Variants in RMC1 observed in about 807,000 individuals in gnomAD.
RMC1 encodes the protein regulator of MON1-CCZ1 complex.
Under a neutral mutation model 95.5 loss-of-function variants are expected in RMC1, and 44 were observed. The ratio of observed to expected loss-of-function variants is 0.46; its 90% CI spans 0.36 to 0.59. RMC1 has a LOEUF of 0.59. Ranked by LOEUF, RMC1 falls within the 20% of genes least tolerant of loss-of-function variation. The pLI, the probability that RMC1 is intolerant of heterozygous loss-of-function variation, is 0.00. For missense variants in RMC1, 705 were observed against 819.6 expected, an observed-to-expected ratio of 0.86 and a Z score of 1.71; for synonymous variants, 320 against 303.6, an observed-to-expected ratio of 1.05 and a Z score of -0.56.
chr18:23,517,943 C>G (rs896560498), intron 7 of RMC1, among the ~76,000 whole-genome samples: 1 of 152,152 alleles, frequency 6.6e-6, no homozygotes, highest in Non-Finnish European at 1.5e-5. Flanking sequence ...GTCTTGAACT[C>G]CTGGGCTCGG....
In RMC1 at chr18:23,503,602, CGGGCGCGGCGCCCGCCAT is replaced by C. The variant is rs761636354; in HGVS notation, c.-11_7del. On this transcript the variant is annotated start_lost and 5_prime_UTR_variant, in exon 1 of 20. Transcript: ENST00000269221. ...GCGACCGCCCCCGGGGCCCCCGCCG[CGGGCGCGGCGCCCGCCAT>C]GGGCGAGGAGGACTACTATCTGGAG... The C allele has an allele frequency of 3.9e-6, 6 of 1,540,250 alleles. No individual in the cohort carries two copies. The highest frequency in any genetic ancestry group is 4.4e-6 in the Non-Finnish European group (5 of 1,143,666).
In RMC1 at chr18:23,514,552, C is replaced by T. The variant is rs537036662; in HGVS notation, c.409-1304C>T. Among the ~76,000 whole-genome samples the T allele has an allele frequency of 3.9e-4, 58 of 149,990 alleles. 3 individuals are homozygous for T. In the South Asian group the frequency reaches 8.2e-3, roughly 21 times the overall value. On this transcript the variant is annotated intron_variant, in intron 5 of 19. Coordinates refer to ENST00000269221, the MANE Select transcript of RMC1 (RefSeq NM_013326.5). ...AGCCTGGGCAACAAGAGTGAAACTC[C>T]GTCTCAAAAAAAAAAAAAATTTGTA...
intron 9 of RMC1, among the ~76,000 whole-genome samples, 177 bp from the exon 10 acceptor site, chr18:23,520,025 A>G (rs2058101555): frequency 6.6e-6 from 1 of 152,242 alleles, no homozygotes; most frequent in Non-Finnish European, 1.5e-5. Context: ...AGATAAAAAT[A>G]TTAAAAGAGA....
chr18:23,511,528 G>T (rs2057857231), intron 5 of RMC1, among the ~76,000 whole-genome samples: 2 of 152,134 alleles, frequency 1.3e-5, no homozygotes, highest in South Asian at 4.1e-4. Flanking sequence ...GAAAGCAAAT[G>T]TTCCCTATAA....
chr18:23,506,939 TTAAC>T (rs1169482019), intron 2 of RMC1, 27 bp from the exon 3 acceptor site: 1 of 1,471,106 alleles, frequency 6.8e-7, no homozygotes, highest in African/African-American at 1.4e-5. Context: ...ATTCGGTTAT[TTAAC>T]TACTAACACA....
In RMC1 at chr18:23,526,743, C is replaced by T. The variant is rs1160669926; in HGVS notation, c.1167C>T (p.Val389=). Residue 389 remains valine, a synonymous_variant, in exon 13 of 20, where the codon GTC becomes GTT. Coordinates refer to ENST00000269221, the MANE Select transcript of RMC1 (RefSeq NM_013326.5). ...TCCAGAGAAAGGAATGCAAGATGGTCATCCTGTCTGTCTGTTCACAGAGTA... is the reference window on the plus strand; with the variant it reads ...TCCAGAGAAAGGAATGCAAGATGGTTATCCTGTCTGTCTGTTCACAGAGTA... ...FLLQRKECKM[V]ILSVCSQMLS... The T allele has an allele frequency of 1.9e-6, 3 of 1,614,092 alleles. No homozygotes were observed. The Admixed American group carries it at 5.0e-5, about 27-fold the overall frequency.
At chr18:23,511,421 G>A (rs1004363106) in intron 5 of RMC1, among the ~76,000 whole-genome samples, 7 of 152,234 alleles carry the variant, frequency 4.6e-5, no homozygotes, top group East Asian at 1.9e-4. Context: ...CACAAACCCC[G>A]TGACATGAGT....
chr18:23,517,731 T>A (rs2058046303), intron 7 of RMC1, among the ~76,000 whole-genome samples: 2 of 152,012 alleles, frequency 1.3e-5, no homozygotes. Flanking sequence ...TATTTTTAAA[T>A]TTTTTTTGGA....
intron 10 of RMC1, among the ~76,000 whole-genome samples, chr18:23,523,631 G>A (rs1411573157): frequency 6.6e-6 from 1 of 151,552 alleles, no homozygotes; most frequent in South Asian, 2.1e-4. Flanking sequence ...GCTGAGGCAG[G>A]AGGACCACTT....
rs966457251 is a variant in RMC1 at position 23,526,613 on chromosome 18, T to G, written c.1061-24T>G. 3.1e-6 allele frequency: 5 copies of G among 1,612,330 alleles called. No individual in the cohort carries two copies. In the African/African-American group the frequency reaches 5.3e-5, roughly 17 times the overall value. ...TGTTACGGTTTGCATCATACTGTTT[T>G]ATTTGCTGCCTCTTAAAATCCAGGT... is the stretch of plus-strand genomic sequence containing the variant. On this transcript the variant is annotated intron_variant, in intron 12 of 19. Coordinates refer to ENST00000269221, the MANE Select transcript of RMC1 (RefSeq NM_013326.5).
chr18:23,510,609 T>C (rs1303859911), intron 5 of RMC1, among the ~76,000 whole-genome samples: 1 of 151,686 alleles, frequency 6.6e-6, no homozygotes, highest in Admixed American at 6.6e-5. Flanking sequence ...ATGGTGCCAC[T>C]GCACTCCAGC....
intron 5 of RMC1, 140 bp downstream of exon 5, chr18:23,509,419 C>T: frequency 3.1e-6 from 1 of 326,646 alleles, no homozygotes; most frequent in Non-Finnish European, 5.5e-6. Flanking sequence ...GCCCAGGCTG[C>T]AGTGCAGTGG....
intron 19 of RMC1, chr18:23,531,291 G>A (rs931460517): frequency 4.4e-6 from 1 of 225,638 alleles, no homozygotes; most frequent in East Asian, 1.1e-4. Flanking sequence ...ACCTGGCCCT[G>A]GTTGATCATT....
chr18:23,514,320 G>A (rs926043947), intron 5 of RMC1, among the ~76,000 whole-genome samples: 2 of 152,238 alleles, frequency 1.3e-5, no homozygotes, highest in Non-Finnish European at 2.9e-5. Context: ...TTCGAGACCA[G>A]CCTGGCCGCC....
At chr18:23,529,144 G>A in intron 14 of RMC1, 35 bp from the exon 15 acceptor site, 1 of 1,599,410 alleles carries the variant, frequency 6.3e-7, no homozygotes. Context: ...CCTCTAAGAT[G>A]CCGAAGATCA....
At chr18:23,526,593 C>G (rs149516338) in intron 12 of RMC1, 44 bp from the exon 13 acceptor site, 60 of 1,593,880 alleles carry the variant, frequency 3.8e-5, no homozygotes, top group Non-Finnish European at 5.0e-5. Context: ...GCTTTTGTTA[C>G]GGTTTGCATC....
At position 23,512,811 on chromosome 18, in the gene RMC1, T is replaced by G. The variant is rs188396644; in HGVS notation, c.409-3045T>G. Among the ~76,000 whole-genome samples, 9 of 152,318 alleles carry G rather than the reference T, an allele frequency of 5.9e-5. No individual in the cohort carries two copies. In the East Asian group the frequency reaches 1.7e-3, roughly 29 times the overall value. ...TGTTTTTAAGTGTTCAGTTCAGTAG[T>G]GTTAAGTATATTCATTCACATTGTT... On this transcript the variant is annotated intron_variant, in intron 5 of 19. Transcript: ENST00000269221.
intron 1 of RMC1, among the ~76,000 whole-genome samples, 192 bp downstream of exon 1, chr18:23,503,912 C>T (rs756605671): frequency 2.0e-5 from 3 of 151,836 alleles, no homozygotes; most frequent in Non-Finnish European, 4.4e-5. Flanking sequence ...CAGGTGACCT[C>T]GGGGCTGGAC....
chr18:23,517,813 G>A (rs2058048635), intron 7 of RMC1, among the ~76,000 whole-genome samples: 1 of 152,040 alleles, frequency 6.6e-6, no homozygotes, highest in Admixed American at 6.6e-5. Context: ...CGCCTTCTAG[G>A]TTCAAGTGAT....
Sources: allele counts gnomAD v4.1 joint callset (sites outside exome capture counted in the v4.1 genomes callset), GRCh38; gene constraint gnomAD v4.1.1; transcripts MANE v1.5; gene names NCBI Gene and HGNC (gene_info 2026-07-23, HGNC 2026-07-21).